Variants in PIK3R6 observed in about 807,000 individuals in gnomAD.
PIK3R6 encodes the protein phosphoinositide 3-kinase regulatory subunit 6.
Under a neutral mutation model 84.9 loss-of-function variants are expected in PIK3R6, and 91 were observed. The observed-to-expected ratio is 1.07, with a 90% CI of 0.90 to 1.28. The LOEUF is 1.28. Ranked by LOEUF, PIK3R6 falls within the 50% of genes most tolerant of loss-of-function variation. The probability of loss-of-function intolerance (pLI) is 0.00; values close to 1 mark genes in which losing one functional copy is unlikely to be tolerated. For missense variants in PIK3R6, 996 were observed against 985.1 expected, an observed-to-expected ratio of 1.01 and a Z score of -0.15; for synonymous variants, 416 against 411.4, an observed-to-expected ratio of 1.01 and a Z score of -0.13.
In PIK3R6 at chr17:8,828,690, G is replaced by T. The variant is rs1252036338; in HGVS notation, c.1190C>A (p.Thr397Lys). The T allele has an allele frequency of 5.0e-6, 8 of 1,611,430 alleles. No individual in the cohort carries two copies. Among genetic ancestry groups the T allele is most frequent in the Non-Finnish European group, 6.8e-6 (8 of 1,179,004 alleles). ...TTCCCCATCCCCACTGGGCCGGCCT[G>T]TCCTCCGGTGCAGCCCTGGGGGCCC... Reference protein sequence around the residue: ...WDGPPGLHRRTGRPSGDGEML... With the variant: ...WDGPPGLHRRKGRPSGDGEML... The change falls in exon 11 of 20, where the codon ACA becomes AAA. Residue 397 changes from threonine to lysine, a missense_variant. Thr to Lys is a moderately conservative substitution (Grantham distance 78). Coordinates refer to ENST00000619866, the MANE Select transcript of PIK3R6 (RefSeq NM_001010855.4).
rs1327316097 is a variant in PIK3R6 at position 8,835,288 on chromosome 17, C to A, written c.630G>T (p.Leu210=). Residue 210 remains leucine, a synonymous_variant, in exon 8 of 20, where the codon CTG becomes CTT. Coordinates refer to ENST00000619866, the MANE Select transcript of PIK3R6 (RefSeq NM_001010855.4). ...GGGCCATTACCTGCAGCTTCCTGTG[C>A]AGAGCGCCTGCGTGACAGGCCTCCC... ...ALGEACHAGA[L]HRKLQASPRR... 6.4e-7 allele frequency: 1 copy of A among 1,570,994 alleles called. No individual in the cohort carries two copies. The highest frequency in any genetic ancestry group is 8.7e-7 in the Non-Finnish European group (1 of 1,153,854).
Position 8,833,059 on chromosome 17 carries a change from GCGT to G in PIK3R6, c.646-17_646-15del, listed in dbSNP as rs774084363. ...GCGAGGGCTGGCCTGTTGGGGAGGG[GCGT>G]CAGAGCCTGGGTCTTGGCCCAGCGC... On this transcript the variant is annotated splice_polypyrimidine_tract_variant and intron_variant, in intron 8 of 19. Transcript: ENST00000619866. The G allele has an allele frequency of 2.9e-5, 45 of 1,562,498 alleles. No individual in the cohort carries two copies. The South Asian group carries it at 5.1e-4, about 18-fold the overall frequency.
At chr17:8,850,683 G>C (rs1050956576) in intron 1 of PIK3R6, among the ~76,000 whole-genome samples, 1 of 152,146 alleles carries the variant, frequency 6.6e-6, no homozygotes, top group African/African-American at 2.4e-5. Context: ...ATAAACCTAA[G>C]AGATTGTTTT....
At chr17:8,836,758 G>A in intron 6 of PIK3R6, 33 bp downstream of exon 6, 2 of 1,611,004 alleles carry the variant, frequency 1.2e-6, no homozygotes, top group Non-Finnish European at 1.7e-6. Context: ...TGGAGGTGCA[G>A]CGTGGGAGAC....
In PIK3R6 at chr17:8,827,230, G is replaced by C. The variant is rs770381028; in HGVS notation, c.1457C>G (p.Pro486Arg). 11 of 1,599,662 alleles carry C rather than the reference G, an allele frequency of 6.9e-6. No individual in the cohort carries two copies. Among genetic ancestry groups the C allele is most frequent in the Admixed American group, 1.7e-5 (1 of 58,032 alleles). ...ELATFLGRVDPWYQSNVNTLC... is the reference protein window; with the variant it reads ...ELATFLGRVDRWYQSNVNTLC... ...CGTGTTGACGTTGCTCTGGTACCAC[G>C]GGTCTACGCGGCCCAGGAACGTAGC... Residue 486 changes from proline (P) to arginine (R), a missense_variant, in exon 13 of 20, where the codon CCG becomes CGG. Transcript: ENST00000619866.
chr17:8,834,382 T>G lies in PIK3R6; in HGVS notation c.645+891A>C, dbSNP rs139008035. On this transcript the variant is annotated intron_variant, in intron 8 of 19. Coordinates refer to ENST00000619866, the MANE Select transcript of PIK3R6 (RefSeq NM_001010855.4). ...GAGAGATGGGAACAGGTCAAGGCCCTCAAGATGAGGTTCTTGTATTTTTAT... is the reference window on the plus strand; with the variant it reads ...GAGAGATGGGAACAGGTCAAGGCCCGCAAGATGAGGTTCTTGTATTTTTAT... 6.2e-3 allele frequency among the ~76,000 whole-genome samples: 945 copies of G among 151,958 alleles called. 8 individuals carry two copies. Among genetic ancestry groups the G allele is most frequent in the African/African-American group, 0.022 (910 of 41,426 alleles).
At chr17:8,857,460 C>T (rs924604635) in intron 1 of PIK3R6, among the ~76,000 whole-genome samples, 3 of 140,114 alleles carry the variant, frequency 2.1e-5, no homozygotes, top group African/African-American at 7.5e-5. Context: ...CTCACAGAAC[C>T]CCCCTCTGTC....
intron 13 of PIK3R6, 47 bp downstream of exon 13, chr17:8,827,125 C>G: frequency 6.3e-7 from 1 of 1,598,930 alleles, no homozygotes; most frequent in Non-Finnish European, 8.5e-7. Context: ...TGCCCAGACC[C>G]CACTCCCGTC....
At position 8,835,103 on chromosome 17, in the gene PIK3R6, G is replaced by A. The variant is rs549329861; in HGVS notation, c.645+170C>T. On this transcript the variant is annotated intron_variant, in intron 8 of 19. Coordinates refer to ENST00000619866, the MANE Select transcript of PIK3R6 (RefSeq NM_001010855.4). ...TACACCCGCCTCAGCCTCCCAAAGT[G>A]CTGGGGTTATAGGTGTGAGCCACTG... Among the ~76,000 whole-genome samples the A allele has an allele frequency of 2.7e-4, 41 of 152,308 alleles. No homozygotes were observed. In the South Asian group the frequency reaches 5.2e-3, roughly 19 times the overall value.
At position 8,832,747 on chromosome 17, in the gene PIK3R6, T is replaced by G. The variant is rs912341395; in HGVS notation, c.802+142A>C. ...TCCCGGTCCTGCCAAACCCCCAGGC[T>G]GCCCCCAGTCCCCAGGCTCCTGGGA... On this transcript the variant is annotated intron_variant, in intron 9 of 19. Coordinates refer to ENST00000619866, the MANE Select transcript of PIK3R6 (RefSeq NM_001010855.4). The G allele has an allele frequency of 8.9e-5, 113 of 1,275,542 alleles. No homozygotes were observed. The East Asian group carries it at 2.4e-3, about 27-fold the overall frequency. 79.0% of individuals were successfully genotyped at this position (1,275,542 alleles called of 1,614,324 possible).
chr17:8,853,494 A>AT (rs992393681), intron 1 of PIK3R6, among the ~76,000 whole-genome samples: 7 of 147,434 alleles, frequency 4.7e-5, no homozygotes, highest in African/African-American at 1.5e-4. Context: ...CAAAAAAAAA[A>AT]AAAAATAATA....
At chr17:8,822,743 G>T in intron 15 of PIK3R6, 86 bp from the exon 16 acceptor site, 1 of 1,385,036 alleles carries the variant, frequency 7.2e-7, no homozygotes. Flanking sequence ...CAGGAGCTGA[G>T]CTGCTGGGTT....
chr17:8,849,855 A>G lies in PIK3R6; in HGVS notation c.-61T>C. The G allele has an allele frequency of 1.9e-6, 3 of 1,594,116 alleles. No individual in the cohort carries two copies. Among genetic ancestry groups the G allele is most frequent in the Non-Finnish European group, 2.6e-6 (3 of 1,170,302 alleles). On this transcript the variant is annotated 5_prime_UTR_variant, in exon 2 of 20. Transcript: ENST00000619866. ...TGTCTCGGGCAGCAGAATAGAGAACAAGGTGGTTGCTTTTCTGCACAGAGG... is the reference window on the plus strand; with the variant it reads ...TGTCTCGGGCAGCAGAATAGAGAACGAGGTGGTTGCTTTTCTGCACAGAGG...
At chr17:8,860,318 T>A (rs753220852) in intron 1 of PIK3R6, among the ~76,000 whole-genome samples, 2 of 151,986 alleles carry the variant, frequency 1.3e-5, no homozygotes, top group Admixed American at 6.6e-5. Flanking sequence ...AAGATTCTCA[T>A]AGAAGCTCGA....
intron 13 of PIK3R6, among the ~76,000 whole-genome samples, chr17:8,825,453 A>C (rs997560059): frequency 1.3e-5 from 2 of 152,232 alleles, no homozygotes; most frequent in African/African-American, 2.4e-5. Flanking sequence ...GAAATGAATA[A>C]ATCAATGAGA....
rs2088768510 is a variant in PIK3R6, at chr17:8,844,477, A to G, written c.14-4780T>C. Among the ~76,000 whole-genome samples, 1 of 152,202 alleles carries G rather than the reference A, an allele frequency of 6.6e-6. No homozygotes were observed. The highest frequency in any genetic ancestry group is 2.1e-4 in the South Asian group (1 of 4,830). On this transcript the variant is annotated intron_variant, in intron 2 of 19. Coordinates refer to ENST00000619866, the MANE Select transcript of PIK3R6 (RefSeq NM_001010855.4). The surrounding 1 kb of genome is among the most constrained non-coding windows in gnomAD (Gnocchi z 4.5). ...TCAAGTGGCTCAGCATTGTTCACAT[A>G]TGGTATGCAGGTCTAACATCCTTGA...
At chr17:8,828,371 C>T (rs1264223963) in intron 11 of PIK3R6, among the ~76,000 whole-genome samples, 181 bp from the exon 12 acceptor site, 1 of 152,088 alleles carries the variant, frequency 6.6e-6, no homozygotes, top group African/African-American at 2.4e-5. Flanking sequence ...TGAGGGTTCA[C>T]GGAGCTAACG....
At chr17:8,855,062 T>C (rs760085245) in intron 1 of PIK3R6, among the ~76,000 whole-genome samples, 9 of 151,950 alleles carry the variant, frequency 5.9e-5, no homozygotes, top group Admixed American at 6.6e-5. Context: ...CTGTGGTGGC[T>C]CATGCCTGTA....
chr17:8,838,612 G>A lies in PIK3R6; in HGVS notation c.141C>T (p.Pro47=), dbSNP rs760745666. Residue 47 remains proline, a synonymous_variant, in exon 4 of 20, where the codon CCC becomes CCT. Coordinates refer to ENST00000619866, the MANE Select transcript of PIK3R6 (RefSeq NM_001010855.4). ...TGCGGACCAGCACTGGGCTCTTACC[G>A]GGATCTCGCTCGACCTTCTTGTGCA... The part of the protein sequence containing the change: ...WSLHKKVERD[P]GKSPVLVRIL... The A allele has an allele frequency of 2.4e-5, 39 of 1,607,274 alleles. No individual in the cohort carries two copies. The highest frequency in any genetic ancestry group is 2.0e-4 in the South Asian group (18 of 89,414).
Sources: gnomAD v4.1 joint callset for allele counts (sites outside exome capture counted in the v4.1 genomes callset) on GRCh38, gnomAD v4.1.1 for gene constraint, Gnocchi (gnomAD v3.1) non-coding constraint, MANE v1.5 for transcripts, NCBI Gene and HGNC (gene_info 2026-07-23, HGNC 2026-07-21) for gene names.